The following MAOA variants were observed in gnomAD, a reference collection of about 807,000 sequenced individuals.
The protein encoded by MAOA is monoamine oxidase A, also known as amine oxidase [flavin-containing] A.
In MAOA, 6 loss-of-function variants were observed where a neutral mutation model predicts 42.0. The observed-to-expected ratio is 0.14, with a 90% confidence interval of 0.08 to 0.28. MAOA has a LOEUF of 0.28. Among genes scored for constraint, MAOA ranks in the 10% least tolerant of loss-of-function variants. MAOA has a pLI of 1.00. For synonymous variants in MAOA, 140 were observed against 154.0 expected (o/e 0.91, Z 0.67); for missense variants, 262 against 422.3 (o/e 0.62, Z 3.33).
intron 1 of MAOA, among the ~76,000 whole-genome samples, chrX:43,668,220 CCA>C (rs1019246716): frequency 2.7e-5 from 3 of 112,089 alleles, no homozygotes; most frequent in Non-Finnish European, 5.6e-5. Context: ...TTATATTTCT[CCA>C]GTTATGAGTG....
At chrX:43,691,654 TGTTCTA>T (rs2033534399) in intron 2 of MAOA, among the ~76,000 whole-genome samples, 1 of 111,709 alleles carries the variant, frequency 9.0e-6, no homozygotes, top group African/African-American at 3.3e-5. Context: ...TCTACAGGCA[TGTTCTA>T]TGTAATGTTC....
intron 1 of MAOA, among the ~76,000 whole-genome samples, chrX:43,673,704 C>A (rs1437240701): frequency 1.8e-5 from 2 of 111,353 alleles, no homozygotes; most frequent in Non-Finnish European, 3.8e-5. Flanking sequence ...TTGTTATGTA[C>A]CCAGTAGTCA....
rs892178206 is a variant in MAOA at position 43,743,688 on chromosome X, G to A, written c.1263-106G>A. On this transcript the variant is annotated intron_variant, in intron 12 of 14. Transcript: ENST00000338702. ...AAGTCATACGGGTGTTTTTTAAACA[G>A]TCTGAATTTCTGTGCCTTCTGCAGA... 3 of 971,072 alleles carry A rather than the reference G, an allele frequency of 3.1e-6. No individual in the cohort carries two copies. In the African/African-American group the frequency reaches 5.8e-5, roughly 19 times the overall value. 80.0% of individuals were successfully genotyped at this position (971,072 alleles called of 1,213,427 possible). A position where few individuals can be genotyped will look rare whatever the true frequency, so the allele number is the denominator to read the frequency against.
intron 3 of MAOA, among the ~76,000 whole-genome samples, chrX:43,708,059 G>A (rs1162157596): frequency 8.9e-6 from 1 of 111,802 alleles, no homozygotes; most frequent in Non-Finnish European, 1.9e-5. Flanking sequence ...AACATTAGTA[G>A]ATTGAAGATG....
chrX:43,690,561 A>C (rs1248766484), intron 2 of MAOA, among the ~76,000 whole-genome samples: 1 of 110,781 alleles, frequency 9.0e-6, no homozygotes, highest in Non-Finnish European at 1.9e-5. Context: ...ATGTTTTGTA[A>C]CTTTTGGCTG....
Position 43,745,825 on chromosome X carries a change from A to G in MAOA, c.*1312A>G, listed in dbSNP as rs1187837244. On this transcript the variant is annotated 3_prime_UTR_variant, in exon 15 of 15. Coordinates refer to ENST00000338702, the MANE Select transcript of MAOA (RefSeq NM_000240.4). Reference sequence around the variant, plus strand: ...CAACTGTAAAATACTTCTTTTTACAATGTATCAACATATTTTTATTTAAGG... The same window carrying G: ...CAACTGTAAAATACTTCTTTTTACAGTGTATCAACATATTTTTATTTAAGG... 8.9e-6 allele frequency: 1 copy of G among 111,803 alleles called. No homozygotes were observed. The highest frequency in any genetic ancestry group is 3.3e-5 in the African/African-American group (1 of 30,739). 9.2% of individuals were successfully genotyped at this position (111,803 alleles called of 1,213,427 possible). A position where few individuals can be genotyped will look rare whatever the true frequency, so the allele number is the denominator to read the frequency against.
At chrX:43,691,993 C>G (rs2033537487) in intron 2 of MAOA, among the ~76,000 whole-genome samples, 1 of 73,604 alleles carries the variant, frequency 1.4e-5, no homozygotes, top group Admixed American at 1.8e-4. Flanking sequence ...ACAAGTTGCA[C>G]TGTATAGACA....
chrX:43,684,737 C>CT (rs1424228618), intron 2 of MAOA, among the ~76,000 whole-genome samples: 4 of 111,399 alleles, frequency 3.6e-5, no homozygotes, highest in Admixed American at 9.5e-5. Flanking sequence ...TTCAGTTAGA[C>CT]TAATAACAGA....
intron 5 of MAOA, among the ~76,000 whole-genome samples, chrX:43,717,329 CTGG>C (rs2033752343): frequency 9.0e-6 from 1 of 110,933 alleles, no homozygotes; most frequent in South Asian, 3.9e-4. Context: ...ATGAGTCACA[CTGG>C]TGGTGGCGGA....
chrX:43,722,898 T>G (rs992270429), intron 5 of MAOA, among the ~76,000 whole-genome samples: 25 of 112,172 alleles, frequency 2.2e-4, no homozygotes, highest in East Asian at 8.4e-4. Flanking sequence ...TTCAGCTTTC[T>G]GCATATGGCT....
In MAOA at chrX:43,711,852, T is replaced by C; in HGVS notation, c.307-20T>C. Reference sequence around the variant, plus strand: ...AGATATTACTCTTTTTGATTGATTCTGTTTGCTTTTATGTTCTAGGGGAAA... The same window carrying C: ...AGATATTACTCTTTTTGATTGATTCCGTTTGCTTTTATGTTCTAGGGGAAA... On this transcript the variant is annotated intron_variant, in intron 3 of 14. Coordinates refer to ENST00000338702, the MANE Select transcript of MAOA (RefSeq NM_000240.4). 1 of 1,103,305 alleles carries C rather than the reference T, an allele frequency of 9.1e-7. No individual in the cohort carries two copies. The highest frequency in any genetic ancestry group is 1.3e-6 in the Non-Finnish European group (1 of 797,058). The allele number at this position is 1,103,305 out of a possible 1,213,427, so 90.9% of individuals were successfully genotyped here.
intron 1 of MAOA, among the ~76,000 whole-genome samples, chrX:43,676,449 CA>C (rs767243510): frequency 1.4e-4 from 16 of 111,121 alleles, no homozygotes; most frequent in Admixed American, 2.9e-4. Context: ...GCACCGCACC[CA>C]CTGTCCTGCG....
In MAOA at chrX:43,745,171, G is replaced by A. The variant is rs1406889935; in HGVS notation, c.*658G>A. On this transcript the variant is annotated 3_prime_UTR_variant, in exon 15 of 15. Coordinates refer to ENST00000338702, the MANE Select transcript of MAOA (RefSeq NM_000240.4). ...ATCTAGTCTCAGTGCTAGCTTATTT[G>A]TATTTTTCCTCTTTCACTTCTTATG... The A allele has an allele frequency of 8.8e-6, 1 of 114,209 alleles. No homozygotes were observed. Among genetic ancestry groups the A allele is most frequent in the Non-Finnish European group, 1.8e-5 (1 of 54,408 alleles). 9.4% of individuals were successfully genotyped at this position (114,209 alleles called of 1,213,427 possible). A position where few individuals can be genotyped will look rare whatever the true frequency, so the allele number is the denominator to read the frequency against.
chrX:43,658,044 G>A (rs893626844), intron 1 of MAOA: 3 of 451,415 alleles, frequency 6.6e-6, no homozygotes, highest in Non-Finnish European at 8.3e-6. Flanking sequence ...AAAAACACTT[G>A]TTGAGTACCT....
chrX:43,728,447 G>T, intron 6 of MAOA, 133 bp downstream of exon 6: 1 of 750,801 alleles, frequency 1.3e-6, no homozygotes. Flanking sequence ...GATCTCAAAA[G>T]ATTTTCTGAA....
Position 43,731,871 on chromosome X carries a change from A to C in MAOA, c.955+18A>C. 1 of 1,176,067 alleles carries C rather than the reference A, an allele frequency of 8.5e-7. No individual in the cohort carries two copies. Among genetic ancestry groups the C allele is most frequent in the Non-Finnish European group, 1.2e-6 (1 of 862,913 alleles). On this transcript the variant is annotated intron_variant, in intron 8 of 14. Coordinates refer to ENST00000338702, the MANE Select transcript of MAOA (RefSeq NM_000240.4). ...GAAGAAGGGTAGGCTGCTATTATTCATGTTTAAACTGTATTATATGAAGAA... is the reference window on the plus strand; with the variant it reads ...GAAGAAGGGTAGGCTGCTATTATTCCTGTTTAAACTGTATTATATGAAGAA...
Position 43,687,844 on chromosome X carries a change from T to C in MAOA, c.168+4237T>C, listed in dbSNP as rs935798802. 8.0e-5 allele frequency among the ~76,000 whole-genome samples: 9 copies of C among 112,857 alleles called. No homozygotes were observed. In the East Asian group the frequency reaches 2.5e-3, roughly 32 times the overall value. ...TCATTTGTTTTGTCAGGAAATTCCG[T>C]TGGCCCTGCCTTCAAAACATATCCA... is the stretch of plus-strand genomic sequence containing the variant. On this transcript the variant is annotated intron_variant, in intron 2 of 14. Coordinates refer to ENST00000338702, the MANE Select transcript of MAOA (RefSeq NM_000240.4).
At chrX:43,688,553 T>C (rs915815345) in intron 2 of MAOA, among the ~76,000 whole-genome samples, 1 of 112,444 alleles carries the variant, frequency 8.9e-6, no homozygotes, top group Non-Finnish European at 1.9e-5. Context: ...CATCACTGCA[T>C]TGTGGTCAGA....
chrX:43,698,095 A>C (rs2033595202), intron 3 of MAOA, among the ~76,000 whole-genome samples: 1 of 112,250 alleles, frequency 8.9e-6, no homozygotes, highest in African/African-American at 3.2e-5. Context: ...GTTTTTGTAA[A>C]TAACACTGAA....
Sources: allele counts gnomAD v4.1 joint callset (sites outside exome capture counted in the v4.1 genomes callset), GRCh38; gene constraint gnomAD v4.1.1; transcripts MANE v1.5; gene names NCBI Gene and HGNC (gene_info 2026-07-23, HGNC 2026-07-21).